The following TAF3 variants were observed in gnomAD, a reference collection of about 807,000 sequenced individuals.
TAF3 encodes the protein transcription initiation factor TFIID subunit 3.
In TAF3, 7 loss-of-function variants were observed where a neutral mutation model predicts 80.6. That is an observed-to-expected ratio of 0.09 (90% CI 0.05 to 0.16). The LOEUF is 0.16. TAF3 is among the 10% of genes least tolerant of loss of function. The pLI, the probability that TAF3 is intolerant of heterozygous loss-of-function variation, is 1.00. For synonymous variants in TAF3, 444 were observed against 446.1 expected (o/e 1.00, Z 0.06); for missense variants, 921 against 1,140.2 (o/e 0.81, Z 2.77).
At chr10:7,930,651 A>G (rs1251040910) in intron 2 of TAF3, among the ~76,000 whole-genome samples, 1 of 152,170 alleles carries the variant, frequency 6.6e-6, no homozygotes, top group African/African-American at 2.4e-5. Flanking sequence ...ACAGTCATCA[A>G]TATTTTTAAG....
intron 2 of TAF3, among the ~76,000 whole-genome samples, chr10:7,950,116 G>C (rs753986585): frequency 3.3e-5 from 5 of 152,204 alleles, no homozygotes; most frequent in Admixed American, 1.3e-4. Flanking sequence ...TGTGGTTCCC[G>C]TATCAGTGAA....
chr10:7,918,381 A>T (rs955407047), intron 2 of TAF3, among the ~76,000 whole-genome samples: 1 of 152,172 alleles, frequency 6.6e-6, no homozygotes, highest in Non-Finnish European at 1.5e-5. Context: ...GCAGTGCCAC[A>T]TGTAGACTTA....
At chr10:7,828,978 C>T (rs368831185) in intron 2 of TAF3, among the ~76,000 whole-genome samples, 12 of 142,726 alleles carry the variant, frequency 8.4e-5, no homozygotes, top group African/African-American at 2.9e-4. Flanking sequence ...TGCAGTCAGC[C>T]GAGATCGTGC....
In TAF3 at chr10:7,965,688, G is replaced by A. The variant is rs1831564281; in HGVS notation, c.2178G>A (p.Glu726=). 3.8e-6 allele frequency: 6 copies of A among 1,565,344 alleles called. No homozygotes were observed. Among genetic ancestry groups the A allele is most frequent in the African/African-American group, 1.4e-5 (1 of 72,262 alleles). ...KEKKEKEREK[E]KREREKREKE... ...AGAAGGAGAAGGAAAGAGAGAAAGAGAAGAGAGAGCGAGAGAAGAGAGAAA... is the reference window on the plus strand; with the variant it reads ...AGAAGGAGAAGGAAAGAGAGAAAGAAAAGAGAGAGCGAGAGAAGAGAGAAA... Residue 726 remains glutamate, a synonymous_variant, in exon 3 of 7, where the codon GAG becomes GAA. Transcript: ENST00000344293.
intron 2 of TAF3, among the ~76,000 whole-genome samples, chr10:7,856,785 T>G (rs975781280): frequency 6.4e-5 from 9 of 140,912 alleles, no homozygotes; most frequent in African/African-American, 2.4e-4. Flanking sequence ...GGGTTTTATC[T>G]AAAGGACTCC....
At chr10:7,929,927 C>T (rs910653896) in intron 2 of TAF3, among the ~76,000 whole-genome samples, 1 of 152,054 alleles carries the variant, frequency 6.6e-6, no homozygotes, top group Non-Finnish European at 1.5e-5. Flanking sequence ...TAGGGCCAGG[C>T]GTGGTGGCTC....
At chr10:7,972,730 A>C (rs1831632661) in intron 3 of TAF3, among the ~76,000 whole-genome samples, 1 of 152,224 alleles carries the variant, frequency 6.6e-6, no homozygotes, top group Non-Finnish European at 1.5e-5. Flanking sequence ...GATAATAAAC[A>C]GACCATTTCT....
At chr10:7,908,537 C>T (rs983498795) in intron 2 of TAF3, among the ~76,000 whole-genome samples, 15 of 152,152 alleles carry the variant, frequency 9.9e-5, no homozygotes, top group Non-Finnish European at 2.2e-4. Context: ...TTACCCAACA[C>T]CATCATGGTC....
At chr10:8,002,019 C>A (rs1029959769) in intron 4 of TAF3, among the ~76,000 whole-genome samples, 3 of 152,154 alleles carry the variant, frequency 2.0e-5, no homozygotes, top group Non-Finnish European at 4.4e-5. Flanking sequence ...CTGTGAATGG[C>A]TATTGTAAGA....
In TAF3 at chr10:7,820,048, C is replaced by T. The variant is rs186993536; in HGVS notation, c.166+1173C>T. 2.0e-5 allele frequency among the ~76,000 whole-genome samples: 3 copies of T among 152,324 alleles called. No individual in the cohort carries two copies. The East Asian group carries it at 5.8e-4, about 29-fold the overall frequency. ...AGCATTTTGCTTACCTTTTGCCAGCCTGCCATGCTAATCTGCGACCACGCT... is the reference window on the plus strand; with the variant it reads ...AGCATTTTGCTTACCTTTTGCCAGCTTGCCATGCTAATCTGCGACCACGCT... On this transcript the variant is annotated intron_variant, in intron 1 of 6. Transcript: ENST00000344293.
chr10:7,958,708 C>T (rs1418884973), intron 2 of TAF3, among the ~76,000 whole-genome samples: 3 of 152,170 alleles, frequency 2.0e-5, no homozygotes, highest in African/African-American at 7.2e-5. Context: ...GCGATGGCCT[C>T]GCAGGTGTTC....
chr10:7,980,590 A>G (rs575417730), intron 4 of TAF3, among the ~76,000 whole-genome samples: 133 of 152,334 alleles, frequency 8.7e-4, no homozygotes, highest in African/African-American at 3.1e-3. Flanking sequence ...TGTAGTCTAT[A>G]TTGAAGATAA....
intron 2 of TAF3, among the ~76,000 whole-genome samples, chr10:7,876,202 G>A (rs1465862530): frequency 6.6e-6 from 1 of 151,890 alleles, no homozygotes; most frequent in Admixed American, 6.6e-5. Context: ...TGATGAAATC[G>A]ACTATTTTAG....
At position 8,009,295 on chromosome 10, in the gene TAF3, C is replaced by T. The variant is rs1246304719; in HGVS notation, c.2533C>T (p.Arg845Cys). 1.9e-6 allele frequency: 3 copies of T among 1,588,356 alleles called. No homozygotes were observed. The highest frequency in any genetic ancestry group is 2.6e-6 in the Non-Finnish European group (3 of 1,169,442). Reference sequence around the variant, plus strand: ...CGGGGCCAGTGCCAAAGCCCCCGTGCGCAGCGTGGTGACTGAGACGGTCAG... The same window carrying T: ...CGGGGCCAGTGCCAAAGCCCCCGTGTGCAGCGTGGTGACTGAGACGGTCAG... ...ASGASAKAPV[R>C]SVVTETVSTY... The change falls in exon 5 of 7, where the codon CGC becomes TGC. Residue 845 changes from arginine to cysteine, a missense_variant. Physicochemically the swap from Arg to Cys is radical, Grantham distance 180 (BLOSUM62 -3). Transcript: ENST00000344293. The surrounding 1 kb of genome is among the most constrained non-coding windows in gnomAD (Gnocchi z 4.1).
At chr10:8,002,723 C>A (rs1171570866) in intron 4 of TAF3, among the ~76,000 whole-genome samples, 1 of 152,032 alleles carries the variant, frequency 6.6e-6, no homozygotes, top group African/African-American at 2.4e-5. Context: ...CTTATTCAAA[C>A]CTATATCTTT....
intron 4 of TAF3, among the ~76,000 whole-genome samples, chr10:7,998,143 C>A (rs1407563680): frequency 5.3e-5 from 8 of 150,700 alleles, no homozygotes; most frequent in African/African-American, 1.9e-4. Flanking sequence ...CAGTCTAACC[C>A]CTTGAAAACA....
chr10:8,003,260 T>G (rs1025968589), intron 4 of TAF3, among the ~76,000 whole-genome samples: 6 of 152,136 alleles, frequency 3.9e-5, no homozygotes, highest in Non-Finnish European at 5.9e-5. Flanking sequence ...ATCGTTCCTT[T>G]TTTCCTCATA....
intron 2 of TAF3, among the ~76,000 whole-genome samples, chr10:7,958,162 TCA>T (rs58234860): frequency 0.17 from 25,351 of 152,018 alleles, 2,300 homozygotes; most frequent in East Asian, 0.29. Flanking sequence ...GCTAAACAGT[TCA>T]ATAGCCATTA....
chr10:7,947,200 C>T (rs994213590), intron 2 of TAF3, among the ~76,000 whole-genome samples: 3 of 152,210 alleles, frequency 2.0e-5, no homozygotes, highest in African/African-American at 7.2e-5. Context: ...TGTCGGCAGC[C>T]CTAGAATCCT....
Sources: gnomAD v4.1 joint callset for allele counts (sites outside exome capture counted in the v4.1 genomes callset) on GRCh38, gnomAD v4.1.1 for gene constraint, Gnocchi (gnomAD v3.1) non-coding constraint, MANE v1.5 for transcripts, NCBI Gene and HGNC (gene_info 2026-07-23, HGNC 2026-07-21) for gene names.